The following PDE6A variants were observed in gnomAD, a reference collection of about 807,000 sequenced individuals.
The protein encoded by PDE6A is rod cGMP-specific 3',5'-cyclic phosphodiesterase subunit alpha.
Under a neutral mutation model 106.3 loss-of-function variants are expected in PDE6A, and 84 were observed. The ratio of observed to expected loss-of-function variants is 0.79; its 90% CI spans 0.66 to 0.95. The LOEUF (loss-of-function observed/expected upper bound fraction) is 0.95, where lower values mean the gene tolerates loss of function less well. Ranked by LOEUF, PDE6A falls within the 40% of genes least tolerant of loss-of-function variation. The probability of loss-of-function intolerance (pLI) is 0.00; values close to 1 mark genes in which losing one functional copy is unlikely to be tolerated. For missense variants in PDE6A, 1,052 were observed against 1,084.9 expected, an observed-to-expected ratio of 0.97 and a Z score of 0.43; for synonymous variants, 394 against 386.6, an observed-to-expected ratio of 1.02 and a Z score of -0.23.
rs1016001447 is a variant in PDE6A, at chr5:149,861,083, C to G, written c.2507-112G>C. 4.7e-6 allele frequency: 4 copies of G among 845,784 alleles called. No individual in the cohort carries two copies. In the African/African-American group the frequency reaches 6.7e-5, roughly 14 times the overall value. 52.4% of individuals were successfully genotyped at this position (845,784 alleles called of 1,614,324 possible). A position where few individuals can be genotyped will look rare whatever the true frequency, so the allele number is the denominator to read the frequency against. On this transcript the variant is annotated intron_variant, in intron 21 of 21. Transcript: ENST00000255266. ...AAACTCAAAGGCTTTCAGTGGCCAA[C>G]AGATAACAACACATGCAGAAGGCAA...
intron 6 of PDE6A, among the ~76,000 whole-genome samples, chr5:149,910,713 A>G (rs1283488956): frequency 6.6e-6 from 1 of 152,162 alleles, no homozygotes; most frequent in Non-Finnish European, 1.5e-5. Context: ...ATTGTTTTCA[A>G]CTAAACTCCT....
rs768740269 is a variant in PDE6A at position 149,868,182 on chromosome 5, T to C, written c.2136-24A>G. 5.0e-6 allele frequency: 8 copies of C among 1,610,606 alleles called. No individual in the cohort carries two copies. The African/African-American group carries it at 1.1e-4, about 22-fold the overall frequency. On this transcript the variant is annotated intron_variant, in intron 17 of 21. Coordinates refer to ENST00000255266, the MANE Select transcript of PDE6A (RefSeq NM_000440.3). ...CCCTGGGCACACAGGACACCCTCTATCAGTCCAGGGCCATTTAAGACTTCA... is the reference window on the plus strand; with the variant it reads ...CCCTGGGCACACAGGACACCCTCTACCAGTCCAGGGCCATTTAAGACTTCA...
intron 1 of PDE6A, chr5:149,940,201 A>T (rs1410089919): frequency 1.3e-5 from 2 of 152,202 alleles, no homozygotes; most frequent in Non-Finnish European, 2.9e-5. Context: ...CTGTTTCATC[A>T]TCTGTGAAAC....
At chr5:149,867,660 G>C in intron 19 of PDE6A, 65 bp downstream of exon 19, 1 of 1,369,736 alleles carries the variant, frequency 7.3e-7, no homozygotes, top group Non-Finnish European at 1.0e-6. Context: ...TCATGGCGAG[G>C]TCATATCTAG....
intron 4 of PDE6A, among the ~76,000 whole-genome samples, chr5:149,924,276 A>G (rs1311534860): frequency 2.6e-5 from 4 of 152,168 alleles, no homozygotes; most frequent in African/African-American, 9.7e-5. Flanking sequence ...CAGAAGAAGA[A>G]CAAATATATT....
rs1161389116 is a variant in PDE6A, at chr5:149,883,481, G to C, written c.2083C>G (p.Gln695Glu). 2.5e-6 allele frequency: 4 copies of C among 1,613,702 alleles called. No individual in the cohort carries two copies. In the African/African-American group the frequency reaches 4.0e-5, roughly 16 times the overall value. ...AGCATCATGTACTGTGTCCACTCCT[G>C]TTCACTCTCATATGTCTTAGACTGA... ...VDQSKTYESE[Q>E]EWTQYMMLEQ... Residue 695 changes from glutamine (Q) to glutamate (E), a missense_variant, in exon 17 of 22, where the codon CAG (glutamine) becomes GAG (glutamate). Coordinates refer to ENST00000255266, the MANE Select transcript of PDE6A (RefSeq NM_000440.3).
At chr5:149,934,764 G>A in intron 1 of PDE6A, 46 bp from the exon 2 acceptor site, 1 of 1,601,120 alleles carries the variant, frequency 6.2e-7, no homozygotes, top group Non-Finnish European at 8.5e-7. Context: ...TGAAGAGCAA[G>A]AACAGTGGAA....
Position 149,925,515 on chromosome 5 carries a change from T to A in PDE6A, c.859-3806A>T, listed in dbSNP as rs535466963. On this transcript the variant is annotated intron_variant, in intron 4 of 21. Transcript: ENST00000255266. ...TGAGGTCAGGAGTTCGAGACCAGCC[T>A]GGCCAATATGACGAAACCCCATCTG... Among the ~76,000 whole-genome samples the A allele has an allele frequency of 7.2e-5, 11 of 152,224 alleles. No homozygotes were observed. The South Asian group carries it at 2.1e-3, about 29-fold the overall frequency.
At chr5:149,886,620 A>G (rs189147515) in intron 13 of PDE6A, among the ~76,000 whole-genome samples, 1 of 152,218 alleles carries the variant, frequency 6.6e-6, no homozygotes, top group Admixed American at 6.6e-5. Context: ...CCTATTTCTG[A>G]GTTGACCTTA....
chr5:149,907,079 T>C (rs918945118), intron 7 of PDE6A, among the ~76,000 whole-genome samples: 1 of 152,184 alleles, frequency 6.6e-6, no homozygotes, highest in Non-Finnish European at 1.5e-5. Context: ...GCCAAGACTA[T>C]GCACCTTTCT....
At chr5:149,943,780 A>AGGT (rs1341271544) in intron 1 of PDE6A, among the ~76,000 whole-genome samples, 2 of 149,498 alleles carry the variant, frequency 1.3e-5, no homozygotes, top group Admixed American at 6.7e-5. Flanking sequence ...GGTACTGTGG[A>AGGT]AGTACTGTGT....
At chr5:149,919,774 G>C (rs1435551249) in intron 5 of PDE6A, among the ~76,000 whole-genome samples, 5 of 152,184 alleles carry the variant, frequency 3.3e-5, no homozygotes, top group African/African-American at 1.2e-4. Flanking sequence ...GATACCCATG[G>C]AAATACACCA....
chr5:149,887,410 T>G (rs2113561121), intron 13 of PDE6A, among the ~76,000 whole-genome samples: 1 of 152,290 alleles, frequency 6.6e-6, no homozygotes. Flanking sequence ...AGGTCACACA[T>G]GGCAGCACTT....
rs564027009 is a variant in PDE6A, at chr5:149,908,523, A to T, written c.999-1145T>A. Among the ~76,000 whole-genome samples the T allele has an allele frequency of 2.0e-5, 3 of 152,280 alleles. No individual in the cohort carries two copies. In the South Asian group the frequency reaches 6.2e-4, roughly 32 times the overall value. Reference sequence around the variant, plus strand: ...AGTCCTTGTGGTGAGGTCTAGTGGTATCTCATCATAGTTTTCTTTCATATT... The same window carrying T: ...AGTCCTTGTGGTGAGGTCTAGTGGTTTCTCATCATAGTTTTCTTTCATATT... On this transcript the variant is annotated intron_variant, in intron 6 of 21. Transcript: ENST00000255266.
intron 13 of PDE6A, among the ~76,000 whole-genome samples, chr5:149,889,713 C>T (rs1752470526): frequency 6.6e-6 from 1 of 151,982 alleles, no homozygotes; most frequent in African/African-American, 2.4e-5. Flanking sequence ...CGAGATCAGC[C>T]TCGGCAACAT....
At chr5:149,928,877 C>T (rs1465621627) in intron 4 of PDE6A, among the ~76,000 whole-genome samples, 1 of 151,892 alleles carries the variant, frequency 6.6e-6, no homozygotes, top group Non-Finnish European at 1.5e-5. Context: ...ATCCAAATGG[C>T]CAATAAACGT....
chr5:149,885,845 T>C (rs1752273483), intron 14 of PDE6A, among the ~76,000 whole-genome samples: 1 of 152,232 alleles, frequency 6.6e-6, no homozygotes, highest in African/African-American at 2.4e-5. Context: ...TCTTTTGAGC[T>C]TCTAGAGGCC....
intron 13 of PDE6A, among the ~76,000 whole-genome samples, chr5:149,889,535 T>G (rs943195458): frequency 2.6e-5 from 4 of 151,988 alleles, no homozygotes; most frequent in African/African-American, 9.7e-5. Context: ...TTGGACCTCC[T>G]GGGCTCAAGC....
chr5:149,866,021 C>T (rs1428376775), intron 20 of PDE6A, 149 bp downstream of exon 20: 1 of 683,046 alleles, frequency 1.5e-6, no homozygotes, highest in Non-Finnish European at 2.7e-6. Context: ...ATAGAGCTGT[C>T]CTGAGAATCG....
Sources: allele counts gnomAD v4.1 joint callset (sites outside exome capture counted in the v4.1 genomes callset), GRCh38; gene constraint gnomAD v4.1.1; transcripts MANE v1.5; gene names NCBI Gene and HGNC (gene_info 2026-07-23, HGNC 2026-07-21).